The following HDAC9 variants were observed in gnomAD, a reference collection of about 807,000 sequenced individuals.
HDAC9 encodes histone deacetylase 9.
Under a neutral mutation model 139.4 loss-of-function variants are expected in HDAC9, and 41 were observed. The observed-to-expected ratio is 0.29, with a 90% CI of 0.23 to 0.38. The LOEUF (loss-of-function observed/expected upper bound fraction) is 0.38. HDAC9 is among the 10% of genes least tolerant of loss of function. The pLI, the probability that HDAC9 is intolerant of heterozygous loss-of-function variation, is 1.00. For missense variants in HDAC9, 1,147 were observed against 1,297.0 expected, an observed-to-expected ratio of 0.88 and a Z score of 1.78; for synonymous variants, 517 against 476.2, an observed-to-expected ratio of 1.09 and a Z score of -1.12.
At chr7:18,200,975 C>T (rs1791075649) in intron 2 of HDAC9, among the ~76,000 whole-genome samples, 1 of 152,058 alleles carries the variant, frequency 6.6e-6, no homozygotes, top group South Asian at 2.1e-4. Context: ...TTAGTTATAC[C>T]ATCATAGAAT....
At chr7:18,242,048 A>G (rs574656087) in intron 2 of HDAC9, among the ~76,000 whole-genome samples, 1 of 152,228 alleles carries the variant, frequency 6.6e-6, no homozygotes, top group South Asian at 2.1e-4. Flanking sequence ...AGGGTGCTCT[A>G]CCTGTGTCAG....
chr7:18,661,846 G>T (rs573889381), intron 11 of HDAC9, among the ~76,000 whole-genome samples: 1 of 152,030 alleles, frequency 6.6e-6, no homozygotes, highest in African/African-American at 2.4e-5. Context: ...GGAACAAATA[G>T]AATTATTTCT....
intron 2 of HDAC9, among the ~76,000 whole-genome samples, chr7:18,208,263 C>T (rs1432358051): frequency 6.6e-6 from 1 of 152,072 alleles, no homozygotes; most frequent in African/African-American, 2.4e-5. Context: ...CTAGCTACCA[C>T]TTCTCCCTTA....
intron 22 of HDAC9, among the ~76,000 whole-genome samples, chr7:18,896,852 T>C (rs1302423024): frequency 6.6e-6 from 1 of 152,022 alleles, no homozygotes; most frequent in Non-Finnish European, 1.5e-5. Flanking sequence ...AATTCCACTG[T>C]TGAAACTTTT....
chr7:18,106,516 G>C (rs894212935), intron 1 of HDAC9, among the ~76,000 whole-genome samples: 4 of 151,822 alleles, frequency 2.6e-5, no homozygotes, highest in South Asian at 2.1e-4. Flanking sequence ...GCAGTGGTGC[G>C]ATCTTAGCTC....
chr7:18,655,167 G>A (rs781391662), intron 11 of HDAC9, among the ~76,000 whole-genome samples: 1 of 152,116 alleles, frequency 6.6e-6, no homozygotes, highest in African/African-American at 2.4e-5. Flanking sequence ...CTGGAACTGG[G>A]CTTTCATTTA....
chr7:18,347,237 T>C lies in HDAC9; in HGVS notation c.-42+56722T>C, dbSNP rs533371376. Among the ~76,000 whole-genome samples the C allele has an allele frequency of 4.6e-5, 7 of 152,292 alleles. No homozygotes were observed. The South Asian group carries it at 1.4e-3, about 32-fold the overall frequency. On this transcript the variant is annotated intron_variant, in intron 1 of 3. Transcript: ENST00000413509. ...TGTAGCTATGTGTATTTTTAAAGCA[T>C]ATTATAAATTTTCCCACTCTTAGCA...
At chr7:18,297,349 G>C (rs570724172) in intron 1 of HDAC9, among the ~76,000 whole-genome samples, 1 of 152,116 alleles carries the variant, frequency 6.6e-6, no homozygotes, top group Non-Finnish European at 1.5e-5. Context: ...TATTAGGCTG[G>C]CACAAAAGTA....
intron 13 of HDAC9, among the ~76,000 whole-genome samples, chr7:18,733,212 T>C (rs1263224709): frequency 1.3e-5 from 2 of 148,740 alleles, no homozygotes; most frequent in Admixed American, 6.7e-5. Context: ...TATACATGTG[T>C]CTATACGTAT....
At chr7:18,268,143 C>T (rs574155560) in intron 2 of HDAC9, among the ~76,000 whole-genome samples, 21 of 152,066 alleles carry the variant, frequency 1.4e-4, no homozygotes, top group Admixed American at 7.9e-4. Flanking sequence ...AAACACTAAG[C>T]CTATTAGAAT....
At chr7:18,919,208 G>T (rs779610345) in intron 22 of HDAC9, among the ~76,000 whole-genome samples, 29 of 152,104 alleles carry the variant, frequency 1.9e-4, no homozygotes, top group Admixed American at 3.9e-4. Context: ...CCAAGGAGTT[G>T]CCCCTTATCG....
chr7:18,904,680 A>G (rs1195481813), intron 22 of HDAC9, among the ~76,000 whole-genome samples: 1 of 142,082 alleles, frequency 7.0e-6, no homozygotes, highest in Non-Finnish European at 1.5e-5. Flanking sequence ...GGTTCACGCC[A>G]TTCTCCTGCC....
At chr7:18,544,865 T>G (rs908082900) in intron 2 of HDAC9, among the ~76,000 whole-genome samples, 3 of 152,226 alleles carry the variant, frequency 2.0e-5, no homozygotes, top group African/African-American at 4.8e-5. Flanking sequence ...TTGACTTACT[T>G]ATCTGTTTCT....
intron 2 of HDAC9, among the ~76,000 whole-genome samples, chr7:18,273,803 T>G (rs1796542132): frequency 1.3e-5 from 2 of 152,170 alleles, no homozygotes; most frequent in African/African-American, 4.8e-5. Context: ...TAAGAATAGT[T>G]AATCCTAAAA....
At chr7:18,511,381 T>C (rs1051851219) in intron 2 of HDAC9, among the ~76,000 whole-genome samples, 3 of 152,178 alleles carry the variant, frequency 2.0e-5, no homozygotes, top group African/African-American at 7.2e-5. Flanking sequence ...AATCTGAATA[T>C]AGTTATAACT....
At chr7:18,503,511 G>C (rs1048861288) in intron 2 of HDAC9, among the ~76,000 whole-genome samples, 5 of 152,134 alleles carry the variant, frequency 3.3e-5, no homozygotes, top group Non-Finnish European at 7.4e-5. Flanking sequence ...AATACTTCTT[G>C]TGTTTTTATA....
At chr7:18,563,892 A>G (rs1821420259) in intron 2 of HDAC9, among the ~76,000 whole-genome samples, 2 of 149,360 alleles carry the variant, frequency 1.3e-5, no homozygotes, top group Non-Finnish European at 1.5e-5. Context: ...CTGGAGTGCA[A>G]TGCCACAATC....
chr7:18,469,584 T>G (rs1348826535), intron 1 of HDAC9, among the ~76,000 whole-genome samples: 1 of 152,164 alleles, frequency 6.6e-6, no homozygotes, highest in Non-Finnish European at 1.5e-5. Context: ...CCACATTGTA[T>G]TTCATGAATG....
intron 2 of HDAC9, among the ~76,000 whole-genome samples, chr7:18,541,572 T>C (rs2520462): frequency 0.39 from 58,964 of 151,928 alleles, 11,517 homozygotes; most frequent in East Asian, 0.41. Context: ...TCAGCAACGA[T>C]CTTATTTGCT....
Sources: gnomAD v4.1 joint callset for allele counts (sites outside exome capture counted in the v4.1 genomes callset) on GRCh38, gnomAD v4.1.1 for gene constraint, MANE v1.5 for transcripts, NCBI Gene and HGNC (gene_info 2026-07-23, HGNC 2026-07-21) for gene names.